GCM1: variants seen among roughly 807,000 people sequenced by gnomAD.
GCM1 encodes the protein GCM transcription factor 1.
Under a neutral mutation model 25.7 loss-of-function variants are expected in GCM1, and 2 were observed. The observed-to-expected ratio is 0.08, with a 90% CI of 0.03 to 0.24. The LOEUF (loss-of-function observed/expected upper bound fraction) is 0.24. Ranked by LOEUF, GCM1 falls within the 10% of genes least tolerant of loss-of-function variation. GCM1 has a pLI of 1.00. For synonymous variants in GCM1, 183 were observed against 195.7 expected (o/e 0.94, Z 0.54); for missense variants, 395 against 538.7 (o/e 0.73, Z 2.64).
intron 3 of GCM1, 85 bp downstream of exon 3, chr6:53,133,987 G>A: frequency 7.5e-7 from 1 of 1,335,482 alleles, no homozygotes; most frequent in Non-Finnish European, 1.0e-6. Flanking sequence ...TTTGCCCTTG[G>A]GCGGTGCTGG....
intron 2 of GCM1, among the ~76,000 whole-genome samples, chr6:53,137,488 A>G (rs1763816918): frequency 6.6e-6 from 1 of 152,184 alleles, no homozygotes; most frequent in African/African-American, 2.4e-5. Context: ...AGGTTAAAAC[A>G]TTAAAATGTC....
chr6:53,142,019 AAAAAAAAAAAAAAAAAAAAAAAC>A (rs1763880897), intron 2 of GCM1, among the ~76,000 whole-genome samples: 1 of 136,398 alleles, frequency 7.3e-6, no homozygotes, highest in African/African-American at 2.7e-5. Context: ...AAAAAAAAAA[AAAAAAAAAAAAAAAAAAAAAAAC>A]AGAAAGAAAA....
At chr6:53,148,142 C>T (rs1037453403) in intron 1 of GCM1, among the ~76,000 whole-genome samples, 14 of 152,180 alleles carry the variant, frequency 9.2e-5, no homozygotes, top group Middle Eastern at 3.4e-3. Flanking sequence ...GAAATGATGC[C>T]GCAAATTGAC....
At chr6:53,142,591 A>T (rs1400958399) in intron 2 of GCM1, among the ~76,000 whole-genome samples, 1 of 152,214 alleles carries the variant, frequency 6.6e-6, no homozygotes, top group Non-Finnish European at 1.5e-5. Flanking sequence ...GGATATGTGG[A>T]GAATTCCTAT....
chr6:53,131,887 T>C, intron 4 of GCM1, 120 bp downstream of exon 4: 1 of 697,944 alleles, frequency 1.4e-6, no homozygotes, highest in Non-Finnish European at 2.7e-6. Context: ...GACAGATACT[T>C]GCTCTCTTAG....
intron 3 of GCM1, among the ~76,000 whole-genome samples, chr6:53,132,985 G>A (rs891333267): frequency 6.6e-6 from 1 of 152,134 alleles, no homozygotes; most frequent in East Asian, 1.9e-4. Flanking sequence ...ATCTCAGCAC[G>A]TGATTATGAT....
intron 4 of GCM1, among the ~76,000 whole-genome samples, chr6:53,131,382 G>A (rs986641867): frequency 6.6e-6 from 1 of 152,178 alleles, no homozygotes; most frequent in African/African-American, 2.4e-5. Context: ...AAAGCTGAGA[G>A]TCAATAGTTA....
chr6:53,144,376 G>C (rs1195326817), intron 2 of GCM1, among the ~76,000 whole-genome samples: 1 of 148,310 alleles, frequency 6.7e-6, no homozygotes, highest in Non-Finnish European at 1.5e-5. Context: ...AGTGAGCTAT[G>C]ATGGTATCAC....
intron 4 of GCM1, 164 bp downstream of exon 4, chr6:53,131,843 C>T: frequency 1.6e-6 from 1 of 623,788 alleles, no homozygotes; most frequent in Non-Finnish European, 2.9e-6. Flanking sequence ...TCTAGAGCTC[C>T]CCAGCACTTC....
chr6:53,144,335 G>A (rs1002420341), intron 2 of GCM1, among the ~76,000 whole-genome samples: 6 of 151,308 alleles, frequency 4.0e-5, no homozygotes, highest in Non-Finnish European at 8.8e-5. Context: ...TGAGGCAGGA[G>A]GATCACTTGA....
Position 53,145,748 on chromosome 6 carries a change from C to T in GCM1, c.-116G>A, listed in dbSNP as rs1189105133. ...GATCGGCCCACTCAAGCACCTTGGA[C>T]CAGGAGATTGTTTTCTAGGGCTAAA... On this transcript the variant is annotated 5_prime_UTR_variant, in exon 2 of 6. Transcript: ENST00000259803. The T allele has an allele frequency of 7.6e-6, 5 of 660,596 alleles. No individual in the cohort carries two copies. The highest frequency in any genetic ancestry group is 2.7e-5 in the East Asian group (1 of 36,796). The allele number at this position is 660,596 out of a possible 1,614,324, so 40.9% of individuals were successfully genotyped here.
chr6:53,134,352 T>C (rs771633723), intron 2 of GCM1, 28 bp from the exon 3 acceptor site: 11 of 1,603,292 alleles, frequency 6.9e-6, no homozygotes, highest in Non-Finnish European at 8.5e-6. Flanking sequence ...GATACGACTA[T>C]ACTTTAAGCT....
intron 5 of GCM1, 127 bp downstream of exon 5, chr6:53,130,676 G>A (rs1295552142): frequency 1.5e-6 from 1 of 682,904 alleles, no homozygotes; most frequent in East Asian, 2.6e-5. Flanking sequence ...ATGCTTGTTT[G>A]TAGATGAGCC....
chr6:53,147,379 T>C (rs1382979454), intron 1 of GCM1, among the ~76,000 whole-genome samples: 2 of 151,402 alleles, frequency 1.3e-5, no homozygotes, highest in African/African-American at 4.8e-5. Context: ...AGATTAATAG[T>C]CTAAGCTTTG....
At chr6:53,132,156 G>T in intron 3 of GCM1, 37 bp from the exon 4 acceptor site, 1 of 1,295,120 alleles carries the variant, frequency 7.7e-7, no homozygotes, top group Non-Finnish European at 1.1e-6. Flanking sequence ...ACACCTGGCT[G>T]AACCATGTCG....
intron 2 of GCM1, among the ~76,000 whole-genome samples, chr6:53,142,524 G>A (rs1279659100): frequency 6.6e-6 from 1 of 152,052 alleles, no homozygotes; most frequent in Admixed American, 6.5e-5. Flanking sequence ...CATGTAACTT[G>A]TACTCTACAG....
rs766469178 is a variant in GCM1 at position 53,145,537 on chromosome 6, A to AT, written c.75+20dup. The AT allele has an allele frequency of 9.2e-6, 12 of 1,308,038 alleles. No individual in the cohort carries two copies. The East Asian group carries it at 2.8e-4, about 30-fold the overall frequency. The allele number at this position is 1,308,038 out of a possible 1,614,324, so 81.0% of individuals were successfully genotyped here. ...CTTCACAGCCCAATGTTGAAGGCAGATTTTTATAGCAAGTACATACCTGTG... is the reference window on the plus strand; with the variant it reads ...CTTCACAGCCCAATGTTGAAGGCAGATTTTTTATAGCAAGTACATACCTGTG... On this transcript the variant is annotated intron_variant, in intron 2 of 5. Transcript: ENST00000259803.
intron 1 of GCM1, among the ~76,000 whole-genome samples, chr6:53,146,213 TA>T (rs1471246072): frequency 4.0e-3 from 224 of 55,750 alleles, no homozygotes; most frequent in African/African-American, 8.4e-3. Flanking sequence ...TATATATATA[TA>T]TATTTTTTTT....
At position 53,146,225 on chromosome 6, in the gene GCM1, T is replaced by A. The variant is rs1295669641; in HGVS notation, c.-136-457A>T. ...ATATATATATATATATATTTTTTTT[T>A]TTTTTTTTTTTTGAGATGGAGTCTC... On this transcript the variant is annotated intron_variant, in intron 1 of 5. Transcript: ENST00000259803. Among the ~76,000 whole-genome samples the A allele has an allele frequency of 2.4e-4, 22 of 90,754 alleles. No homozygotes were observed. In the South Asian group the frequency reaches 2.8e-3, roughly 12 times the overall value. The allele number at this position is 90,754 out of a possible 152,430, so 59.5% of individuals were successfully genotyped here.
Sources: allele counts gnomAD v4.1 joint callset (sites outside exome capture counted in the v4.1 genomes callset), GRCh38; gene constraint gnomAD v4.1.1; transcripts MANE v1.5; gene names NCBI Gene and HGNC (gene_info 2026-07-23, HGNC 2026-07-21).